Variants in EPM2A observed in about 807,000 individuals in gnomAD.
EPM2A encodes EPM2A glucan phosphatase, laforin, also known as laforin.
EPM2A carries 21 observed loss-of-function variants against 26.5 expected under a neutral mutation model. The ratio of observed to expected loss-of-function variants is 0.79; its 90% confidence interval spans 0.56 to 1.14. The LOEUF (loss-of-function observed/expected upper bound fraction) is 1.14, where lower values mean the gene tolerates loss of function less well. Among genes scored for constraint, EPM2A ranks in the 50% most tolerant of loss-of-function variants. The pLI is 0.00. For synonymous variants in EPM2A, 217 were observed against 177.6 expected (o/e 1.22, Z -1.76); for missense variants, 458 against 440.8 (o/e 1.04, Z -0.35).
At chr6:145,410,493 A>G (rs1281194954) in intron 4 of EPM2A, among the ~76,000 whole-genome samples, 1 of 152,222 alleles carries the variant, frequency 6.6e-6, no homozygotes, top group Non-Finnish European at 1.5e-5. Context: ...AAATAAGGAC[A>G]TCTTTGGAGT....
At chr6:145,682,746 T>C (rs764314553) in intron 2 of EPM2A, 1 of 152,186 alleles carries the variant, frequency 6.6e-6, no homozygotes, top group Non-Finnish European at 1.5e-5. Context: ...TAGATATATA[T>C]GTTCTAAAAA....
chr6:145,627,650 C>T lies in EPM2A; in HGVS notation c.762G>A (p.Ala254=), dbSNP rs199586710. ...MLPQAVCLLH[A]LLEKGHIVYV... ...ACACGATGTGTCCCTTCTCCAGCAG[C>T]GCATGCAGCAGGCACACCGCCTGGG... The change falls in exon 4 of 4, where the codon GCG becomes GCA. Residue 254 remains alanine, a synonymous_variant. Transcript: ENST00000367519. The T allele has an allele frequency of 1.2e-4, 194 of 1,614,072 alleles. No homozygotes were observed. The highest frequency in any genetic ancestry group is 1.5e-4 in the Non-Finnish European group (177 of 1,180,036).
chr6:145,473,146 T>C (rs1779497636), intron 4 of EPM2A, among the ~76,000 whole-genome samples: 1 of 151,972 alleles, frequency 6.6e-6, no homozygotes, highest in Admixed American at 6.6e-5. Flanking sequence ...AACTCAAAGA[T>C]GTTCAAGATA....
intron 2 of EPM2A, among the ~76,000 whole-genome samples, chr6:145,603,286 A>AC (rs1468487039): frequency 6.6e-6 from 1 of 151,958 alleles, no homozygotes; most frequent in Non-Finnish European, 1.5e-5. Flanking sequence ...AATTAAAAAA[A>AC]AAAAAAACTG....
At position 145,635,439 on chromosome 6, in the gene EPM2A, T is replaced by C. The variant is rs1264840627; in HGVS notation, c.524A>G (p.His175Arg). ...WLGSCPRQVE[H>R]VTIKLKHELG... ...TTCATGCTTCAGTTTGATGGTTACA[T>C]GTTCCACCTGACGAGGGCAGCTACC... The change falls in exon 3 of 4, where the codon CAT becomes CGT. Residue 175 changes from histidine (H) to arginine (R), a missense_variant. Physicochemically the swap from His to Arg is conservative, Grantham distance 29. Coordinates refer to ENST00000367519, the MANE Select transcript of EPM2A (RefSeq NM_005670.4). 4 of 1,613,962 alleles carry C rather than the reference T, an allele frequency of 2.5e-6. No individual in the cohort carries two copies. The African/African-American group carries it at 5.3e-5, about 22-fold the overall frequency.
chr6:145,498,415 C>T (rs190329725), downstream of EPM2A, among the ~76,000 whole-genome samples: 135 of 152,312 alleles, frequency 8.9e-4, 1 homozygote, highest in African/African-American at 3.2e-3. Flanking sequence ...ATCCTGGAGC[C>T]AGAGTATGTA....
intron 4 of EPM2A, among the ~76,000 whole-genome samples, chr6:145,386,956 C>G (rs1367474106): frequency 6.6e-6 from 1 of 152,050 alleles, no homozygotes; most frequent in East Asian, 1.9e-4. Flanking sequence ...TTTAGGGGAT[C>G]TAGGGGCAGA....
intron 4 of EPM2A, among the ~76,000 whole-genome samples, chr6:145,393,432 CA>C (rs34904009): frequency 4.1e-4 from 60 of 147,040 alleles, no homozygotes; most frequent in African/African-American, 9.5e-4. Context: ...AAATGTGGCT[CA>C]AAAAAAAAAA....
intron 3 of EPM2A, among the ~76,000 whole-genome samples, chr6:145,634,153 T>C (rs1776472604): frequency 6.6e-6 from 1 of 152,146 alleles, no homozygotes; most frequent in Non-Finnish European, 1.5e-5. Context: ...TCAAACTCCT[T>C]AGCCTCTCCC....
chr6:145,707,859 C>G (rs1392375454), intron 1 of EPM2A, among the ~76,000 whole-genome samples: 1 of 152,122 alleles, frequency 6.6e-6, no homozygotes, highest in Non-Finnish European at 1.5e-5. Flanking sequence ...GACTTTGGAA[C>G]AGGATAATAG....
chr6:145,581,900 T>C (rs1215447819), intron 2 of EPM2A, among the ~76,000 whole-genome samples: 3 of 152,242 alleles, frequency 2.0e-5, no homozygotes, highest in Non-Finnish European at 2.9e-5. Context: ...AGTAATGTGA[T>C]ACCTCCAGCT....
intron 4 of EPM2A, among the ~76,000 whole-genome samples, chr6:145,446,574 C>T (rs1236395353): frequency 1.3e-5 from 2 of 152,080 alleles, no homozygotes; most frequent in Non-Finnish European, 2.9e-5. Flanking sequence ...CCATCAATTT[C>T]TTCTTTGCTC....
chr6:145,733,450 T>A (rs182486700), intron 1 of EPM2A, among the ~76,000 whole-genome samples: 3 of 152,208 alleles, frequency 2.0e-5, no homozygotes, highest in African/African-American at 7.2e-5. Flanking sequence ...TATATATAAC[T>A]TATATGGTAA....
At chr6:145,515,681 C>A (rs181298551) in intron 2 of EPM2A, among the ~76,000 whole-genome samples, 275 of 152,226 alleles carry the variant, frequency 1.8e-3, no homozygotes, top group African/African-American at 5.4e-3. Context: ...AATAGTATCA[C>A]CTTGGGGGTG....
chr6:145,700,679 C>A (rs528914586), intron 1 of EPM2A, among the ~76,000 whole-genome samples: 3 of 152,296 alleles, frequency 2.0e-5, no homozygotes, highest in Admixed American at 2.0e-4. Flanking sequence ...CAGAATATAA[C>A]TATTCATCCT....
At chr6:145,732,451 G>C (rs1182346398) in intron 1 of EPM2A, among the ~76,000 whole-genome samples, 1 of 151,212 alleles carries the variant, frequency 6.6e-6, no homozygotes, top group Non-Finnish European at 1.5e-5. Flanking sequence ...CCATATATTA[G>C]TGAAAAGTGA....
chr6:145,735,335 T>G lies in EPM2A; in HGVS notation c.164A>C (p.Gln55Pro), dbSNP rs1776803315. Residue 55 changes from glutamine (Q) to proline (P), a missense_variant, in exon 1 of 4, where the codon CAG becomes CCG. By Grantham distance (76) the Gln-to-Pro change is moderately conservative (BLOSUM62 -1). Coordinates refer to ENST00000367519, the MANE Select transcript of EPM2A (RefSeq NM_005670.4). ...CTCCCCGAGCCACAGGCCCGGCTCC[T>G]GCAGGGCCAGGGCCCCGTCGCCCGC... The part of the protein sequence containing the change: ...TAAGDGALAL[Q>P]EPGLWLGEVE... 3.9e-6 allele frequency: 5 copies of G among 1,266,568 alleles called. No individual in the cohort carries two copies. The highest frequency in any genetic ancestry group is 5.1e-6 in the Non-Finnish European group (5 of 984,196). The allele number at this position is 1,266,568 out of a possible 1,614,324, so 78.5% of individuals were successfully genotyped here.
chr6:145,535,619 T>C (rs1780420849), intron 2 of EPM2A, among the ~76,000 whole-genome samples: 1 of 152,182 alleles, frequency 6.6e-6, no homozygotes, highest in Middle Eastern at 3.4e-3. Flanking sequence ...GAGCCAATAA[T>C]AAGCAAATAA....
chr6:145,678,720 GA>G (rs1459780557), intron 2 of EPM2A, among the ~76,000 whole-genome samples: 2 of 152,204 alleles, frequency 1.3e-5, no homozygotes, highest in African/African-American at 4.8e-5. Flanking sequence ...ACGCCAGTTA[GA>G]ATAGTGATCA....
Sources: allele counts gnomAD v4.1 joint callset (sites outside exome capture counted in the v4.1 genomes callset), GRCh38; gene constraint gnomAD v4.1.1; transcripts MANE v1.5; gene names NCBI Gene and HGNC (gene_info 2026-07-23, HGNC 2026-07-21).